Variants in SDK1 observed in about 807,000 individuals in gnomAD.
SDK1 encodes the protein sidekick cell adhesion molecule 1, also known as protein sidekick-1.
Under a neutral mutation model 245.5 loss-of-function variants are expected in SDK1, and 157 were observed. The ratio of observed to expected loss-of-function variants is 0.64; its 90% CI spans 0.56 to 0.73. The LOEUF (loss-of-function observed/expected upper bound fraction) is 0.73. SDK1 is among the 30% of genes least tolerant of loss of function. SDK1 has a pLI of 0.00. For missense variants in SDK1, 3,583 were observed against 3,002.3 expected (o/e 1.19, Z -4.52); for synonymous variants, 1,647 against 1,278.5 (o/e 1.29, Z -6.15).
In SDK1 at chr7:4,267,318, C is replaced by CCCTTCCTCTCTCCCCTATT. The variant is rs1324424427; in HGVS notation, c.*1940_*1958dup. The CCCTTCCTCTCTCCCCTATT allele has an allele frequency of 2.0e-5, 17 of 830,038 alleles. No individual in the cohort carries two copies. The African/African-American group carries it at 2.8e-4, about 14-fold the overall frequency. The allele number at this position is 830,038 out of a possible 1,614,324, so 51.4% of individuals were successfully genotyped here. A position where few individuals can be genotyped will look rare whatever the true frequency, so the allele number is the denominator to read the frequency against. ...CCTTCCCTCCCTTCTTTCCCTCCCTCCCTTCCTCTCTCCCCTATTCCTTCT... is the reference window on the plus strand; with the variant it reads ...CCTTCCCTCCCTTCTTTCCCTCCCTCCCTTCCTCTCTCCCCTATTCCTTCCTCTCTCCCCTATTCCTTCT... On this transcript the variant is annotated 3_prime_UTR_variant, in exon 45 of 45. Coordinates refer to ENST00000404826, the MANE Select transcript of SDK1 (RefSeq NM_152744.4).
At chr7:4,188,892 C>T (rs550061706) in intron 35 of SDK1, among the ~76,000 whole-genome samples, 35 of 152,260 alleles carry the variant, frequency 2.3e-4, no homozygotes, top group Admixed American at 1.8e-3. Flanking sequence ...GACATTCCTT[C>T]GTTCCACAGA....
At chr7:3,665,758 G>C (rs893630713) in intron 4 of SDK1, among the ~76,000 whole-genome samples, 1 of 152,138 alleles carries the variant, frequency 6.6e-6, no homozygotes, top group African/African-American at 2.4e-5. Flanking sequence ...CTTTGTTTAT[G>C]CTCCCCTTGC....
At chr7:4,239,639 C>A (rs1002595198) in intron 42 of SDK1, among the ~76,000 whole-genome samples, 14 of 152,154 alleles carry the variant, frequency 9.2e-5, no homozygotes, top group African/African-American at 2.7e-4. Flanking sequence ...GCTGGGATTA[C>A]AGGAGTGAGC....
In SDK1 at chr7:3,951,877, C is replaced by A. The variant is rs772013334; in HGVS notation, c.1107C>A (p.Ser369Arg). The change falls in exon 7 of 45, where the codon AGC (serine) becomes AGA (arginine). Residue 369 changes from serine (S) to arginine (R), a missense_variant. Physicochemically the swap from Ser to Arg is moderately radical, Grantham distance 110 (BLOSUM62 -1). Coordinates refer to ENST00000404826, the MANE Select transcript of SDK1 (RefSeq NM_152744.4). ...TCTGCGAGGCGGCGCTGCCGGGGAG[C>A]GCTTTTGAACCGGCCAGGGCGACGG... ...PYVCEAALPG[S>R]AFEPARATAF... 2 of 1,613,568 alleles carry A rather than the reference C, an allele frequency of 1.2e-6. No homozygotes were observed. The highest frequency in any genetic ancestry group is 4.5e-5 in the East Asian group (2 of 44,874).
chr7:3,679,480 T>G (rs1272504938), intron 4 of SDK1, among the ~76,000 whole-genome samples: 1 of 152,100 alleles, frequency 6.6e-6, no homozygotes, highest in Non-Finnish European at 1.5e-5. Context: ...GGCAGGAGAA[T>G]GGCGTGAACC....
At position 3,971,500 on chromosome 7, in the gene SDK1, C is replaced by G. The variant is rs765623843; in HGVS notation, c.1749C>G (p.His583Gln). ...CCATCGTCCACCCTCCTGAGGACCA[C>G]GTGGTGATTAAGGGGACCACGGCCA... ...RTSIVHPPED[H>Q]VVIKGTTATL... Residue 583 changes from histidine (H) to glutamine (Q), a missense_variant, in exon 12 of 45, where the codon CAC becomes CAG. By Grantham distance (24) the His-to-Gln change is conservative. Coordinates refer to ENST00000404826, the MANE Select transcript of SDK1 (RefSeq NM_152744.4). 9.3e-6 allele frequency: 15 copies of G among 1,613,576 alleles called. No individual in the cohort carries two copies. The highest frequency in any genetic ancestry group is 1.3e-5 in the Non-Finnish European group (15 of 1,179,712).
At chr7:3,891,452 G>C (rs777614406) in intron 5 of SDK1, among the ~76,000 whole-genome samples, 1 of 152,184 alleles carries the variant, frequency 6.6e-6, no homozygotes, top group African/African-American at 2.4e-5. Context: ...GCCGAGGATC[G>C]TTTTAGATCT....
chr7:3,409,608 G>T (rs182631068), intron 1 of SDK1, among the ~76,000 whole-genome samples: 23 of 152,294 alleles, frequency 1.5e-4, no homozygotes, highest in African/African-American at 5.3e-4. Context: ...GGCAGTGAAG[G>T]AGAGGGAAGT....
At chr7:3,422,223 C>G (rs1779553601) in intron 1 of SDK1, among the ~76,000 whole-genome samples, 1 of 152,076 alleles carries the variant, frequency 6.6e-6, no homozygotes, top group African/African-American at 2.4e-5. Flanking sequence ...AGCCAAACTA[C>G]TCTTACATAG....
intron 17 of SDK1, among the ~76,000 whole-genome samples, chr7:4,040,219 T>C (rs576335592): frequency 1.3e-5 from 2 of 152,276 alleles, no homozygotes; most frequent in Admixed American, 6.5e-5. Flanking sequence ...CTGAATCTGA[T>C]TGGATCCTGC....
At chr7:3,430,041 A>G (rs113473067) in intron 1 of SDK1, among the ~76,000 whole-genome samples, 1 of 152,216 alleles carries the variant, frequency 6.6e-6, no homozygotes, top group Non-Finnish European at 1.5e-5. Context: ...TCAAGTGCCA[A>G]CTTGGGAATG....
chr7:3,330,328 C>T (rs911704249), intron 1 of SDK1, among the ~76,000 whole-genome samples: 81 of 152,272 alleles, frequency 5.3e-4, no homozygotes, highest in African/African-American at 1.8e-3. Context: ...CAATTTCTAA[C>T]ACTTATTTTC....
chr7:3,381,597 GA>G (rs1162961264), intron 1 of SDK1, among the ~76,000 whole-genome samples: 2 of 152,164 alleles, frequency 1.3e-5, no homozygotes, highest in East Asian at 3.9e-4. Context: ...TAGTTCTAAG[GA>G]GAGGAAGGGC....
chr7:3,455,212 A>G (rs1240551904), intron 1 of SDK1, among the ~76,000 whole-genome samples: 1 of 151,908 alleles, frequency 6.6e-6, no homozygotes, highest in Non-Finnish European at 1.5e-5. Flanking sequence ...TGTGGGTTGC[A>G]GATATTTTCT....
At chr7:3,987,130 C>T (rs992630696) in intron 13 of SDK1, 56 bp from the exon 14 acceptor site, 5 of 1,588,586 alleles carry the variant, frequency 3.1e-6, no homozygotes, top group Non-Finnish European at 4.3e-6. Flanking sequence ...CTCAGGCTCA[C>T]CATGGATTCT....
chr7:3,607,008 T>C (rs544259978), intron 1 of SDK1, among the ~76,000 whole-genome samples: 2 of 152,268 alleles, frequency 1.3e-5, no homozygotes, highest in South Asian at 4.1e-4. Flanking sequence ...TCTTCATTGA[T>C]TTGCTGTTTT....
intron 22 of SDK1, among the ~76,000 whole-genome samples, chr7:4,082,996 G>T (rs952026851): frequency 6.6e-6 from 1 of 151,942 alleles, no homozygotes; most frequent in Non-Finnish European, 1.5e-5. Flanking sequence ...ATCTCTTTAC[G>T]GTGGTTTTGA....
At chr7:4,046,339 T>G (rs1241878092) in intron 17 of SDK1, among the ~76,000 whole-genome samples, 1 of 152,188 alleles carries the variant, frequency 6.6e-6, no homozygotes, top group Non-Finnish European at 1.5e-5. Flanking sequence ...TTATTCATTT[T>G]TTTTCTTTTA....
At chr7:3,827,583 C>A (rs561674218) in intron 5 of SDK1, among the ~76,000 whole-genome samples, 1 of 152,204 alleles carries the variant, frequency 6.6e-6, no homozygotes, top group Non-Finnish European at 1.5e-5. Context: ...GTGGGACCTA[C>A]GTGTGTTGTC....
Sources: allele counts gnomAD v4.1 joint callset (sites outside exome capture counted in the v4.1 genomes callset), GRCh38; gene constraint gnomAD v4.1.1; transcripts MANE v1.5; gene names NCBI Gene and HGNC (gene_info 2026-07-23, HGNC 2026-07-21).